Variants in OR51B5 observed in about 807,000 individuals in gnomAD.
The protein encoded by OR51B5 is olfactory receptor 51B5.
For missense variants in OR51B5, 456 were observed against 374.6 expected, an observed-to-expected ratio of 1.22 and a Z score of -1.79; for synonymous variants, 186 against 144.8, an observed-to-expected ratio of 1.28 and a Z score of -2.04.
chr11:5,483,988 C>T (rs1851464870), intron 1 of OR51B5, among the ~76,000 whole-genome samples: 1 of 152,280 alleles, frequency 6.6e-6, no homozygotes, highest in East Asian at 1.9e-4. Flanking sequence ...CTAAACAAAA[C>T]TTTGCATCCA....
At chr11:5,484,215 G>A (rs16931569) in intron 1 of OR51B5, among the ~76,000 whole-genome samples, 10 of 152,204 alleles carry the variant, frequency 6.6e-5, no homozygotes, top group African/African-American at 2.4e-4. Flanking sequence ...GTGTAAGATG[G>A]GGACCCAGAC....
At chr11:5,494,637 T>G (rs904785894) in intron 1 of OR51B5, among the ~76,000 whole-genome samples, 1 of 152,222 alleles carries the variant, frequency 6.6e-6, no homozygotes, top group Non-Finnish European at 1.5e-5. Flanking sequence ...AAGCCTGGTT[T>G]AAATCCCGCT....
chr11:5,393,632 A>C (rs773339700), intron 1 of OR51B5, among the ~76,000 whole-genome samples: 2 of 152,114 alleles, frequency 1.3e-5, no homozygotes, highest in Non-Finnish European at 2.9e-5. Context: ...GATCATGATA[A>C]ATGCTAATGT....
At chr11:5,419,917 A>G (rs1850305233) in intron 1 of OR51B5, among the ~76,000 whole-genome samples, 2 of 151,566 alleles carry the variant, frequency 1.3e-5, no homozygotes, top group Non-Finnish European at 3.0e-5. Flanking sequence ...ATTACAATAG[A>G]ATGTAAGCAC....
At chr11:5,483,307 T>A (rs1386135080) in intron 1 of OR51B5, among the ~76,000 whole-genome samples, 1 of 125,062 alleles carries the variant, frequency 8.0e-6, no homozygotes, top group African/African-American at 3.2e-5. Context: ...AACTGAACAA[T>A]GAGATCACAT....
chr11:5,416,531 T>C (rs910755114), intron 1 of OR51B5, among the ~76,000 whole-genome samples: 26 of 151,572 alleles, frequency 1.7e-4, no homozygotes, highest in East Asian at 3.9e-4. Context: ...GAAAACCCCA[T>C]TGTCTCAGCC....
At chr11:5,346,938 A>AT (rs764567767), upstream of OR51B5, 1 of 152,200 alleles carries the variant, frequency 6.6e-6, no homozygotes, top group East Asian at 1.9e-4. Context: ...CACTGTGGTT[A>AT]TTAATAAAGA....
intron 1 of OR51B5, chr11:5,488,961 G>A: frequency 6.2e-7 from 1 of 1,614,024 alleles, no homozygotes; most frequent in Non-Finnish European, 8.5e-7. Context: ...CCAAGATGCT[G>A]GCCATTTTGT....
At chr11:5,391,559 G>A (rs928960543) in intron 1 of OR51B5, 1 of 152,072 alleles carries the variant, frequency 6.6e-6, no homozygotes, top group African/African-American at 2.4e-5. Flanking sequence ...ACATAAAGAG[G>A]GATCCAGAGC....
intron 1 of OR51B5, among the ~76,000 whole-genome samples, chr11:5,415,313 A>G (rs1271151678): frequency 6.6e-6 from 1 of 151,168 alleles, no homozygotes; most frequent in African/African-American, 2.4e-5. Context: ...AATGCCCACA[A>G]GAGAAAGCAG....
At chr11:5,382,896 C>T (rs755718798) in intron 1 of OR51B5, among the ~76,000 whole-genome samples, 3 of 152,100 alleles carry the variant, frequency 2.0e-5, no homozygotes, top group East Asian at 1.9e-4. Context: ...TTTTGGAGCT[C>T]ATCCCCACAC....
In OR51B5 at chr11:5,441,090, C is replaced by T. The variant is rs138548705; in HGVS notation, n.84+64479G>A. On this transcript the variant is annotated intron_variant and non_coding_transcript_variant, in intron 1 of 4. Transcript: ENST00000415970. ...GATGCCCAGACCCATAGCCAATATACGGTTGTGAGTGAGCACAGTGACATA... is the reference window on the plus strand; with the variant it reads ...GATGCCCAGACCCATAGCCAATATATGGTTGTGAGTGAGCACAGTGACATA... 1.7e-5 allele frequency: 27 copies of T among 1,613,966 alleles called. No individual in the cohort carries two copies. Among genetic ancestry groups the T allele is most frequent in the Middle Eastern group, 1.6e-4 (1 of 6,062 alleles).
intron 1 of OR51B5, chr11:5,422,106 A>G: frequency 1.0e-6 from 1 of 971,674 alleles, no homozygotes. Context: ...TTATTTGTGT[A>G]GAATTTGGAT....
intron 1 of OR51B5, among the ~76,000 whole-genome samples, chr11:5,434,948 T>A (rs1850573440): frequency 2.0e-5 from 3 of 152,030 alleles, no homozygotes; most frequent in Admixed American, 2.0e-4. Flanking sequence ...GAGAAGTCGG[T>A]TATCTTTATT....
intron 1 of OR51B5, among the ~76,000 whole-genome samples, chr11:5,379,896 T>A (rs1476905167): frequency 2.0e-5 from 3 of 152,104 alleles, no homozygotes; most frequent in African/African-American, 7.2e-5. Context: ...GTCTGCTTTC[T>A]GCCATGTTTG....
At chr11:5,474,546 G>C (rs922310341) in intron 1 of OR51B5, among the ~76,000 whole-genome samples, 1 of 152,066 alleles carries the variant, frequency 6.6e-6, no homozygotes, top group Non-Finnish European at 1.5e-5. Flanking sequence ...CTTAAGACAC[G>C]AAATTTTTGA....
intron 1 of OR51B5, among the ~76,000 whole-genome samples, chr11:5,452,491 A>G (rs10838130): frequency 1.1e-4 from 14 of 123,246 alleles, no homozygotes; most frequent in African/African-American, 4.5e-4. Context: ...GGCAAAAGAG[A>G]GAGACTCTGT....
At chr11:5,389,501 A>G (rs777806615) in intron 1 of OR51B5, 1 of 1,614,052 alleles carries the variant, frequency 6.2e-7, no homozygotes, top group Non-Finnish European at 8.5e-7. Context: ...ATTGGAAGGC[A>G]TCAAACACTG....
intron 1 of OR51B5, chr11:5,488,604 T>G (rs1286222045): frequency 4.3e-6 from 4 of 923,144 alleles, no homozygotes; most frequent in Non-Finnish European, 6.6e-6. Context: ...AAAAGATTAT[T>G]TCACAGAAAG....
Sources: allele counts gnomAD v4.1 joint callset (sites outside exome capture counted in the v4.1 genomes callset), GRCh38; gene constraint gnomAD v4.1.1; transcripts MANE v1.5; gene names NCBI Gene and HGNC (gene_info 2026-07-23, HGNC 2026-07-21).